The following UFSP2 variants were observed in gnomAD, a reference collection of about 807,000 sequenced individuals.
UFSP2 encodes the protein UFM1 specific peptidase 2.
In UFSP2, 43 loss-of-function variants were observed where a neutral mutation model predicts 60.2. That is an observed-to-expected ratio of 0.71 (90% CI 0.56 to 0.92). UFSP2 has a LOEUF of 0.92. Among genes scored for constraint, UFSP2 ranks in the 40% least tolerant of loss-of-function variants. UFSP2 has a pLI of 0.00. For synonymous variants in UFSP2, 183 were observed against 195.1 expected (o/e 0.94, Z 0.52); for missense variants, 520 against 575.0 (o/e 0.90, Z 0.98).
intron 1 of UFSP2, among the ~76,000 whole-genome samples, chr4:185,424,858 T>C (rs1358582091): frequency 1.3e-5 from 2 of 152,360 alleles, no homozygotes; most frequent in South Asian, 2.1e-4. Context: ...AGGGTTGTTA[T>C]GAAGATTCCA....
intron 10 of UFSP2, among the ~76,000 whole-genome samples, chr4:185,404,196 T>A (rs2095517137): frequency 6.6e-6 from 1 of 150,902 alleles, no homozygotes; most frequent in Non-Finnish European, 1.5e-5. Flanking sequence ...GGCCATAAAC[T>A]CCTCCCAACA....
At chr4:185,401,207 G>C (rs1415948123) in intron 11 of UFSP2, among the ~76,000 whole-genome samples, 1 of 152,174 alleles carries the variant, frequency 6.6e-6, no homozygotes, top group Non-Finnish European at 1.5e-5. Flanking sequence ...GCAGCGGTCT[G>C]ACTCCCTCCT....
rs183705589 is a variant in UFSP2 at position 185,402,154 on chromosome 4, C to T, written c.1323+1340G>A. On this transcript the variant is annotated intron_variant, in intron 11 of 11. Transcript: ENST00000264689. ...TTTTGCACTCTCCTTCTCTGTCCTA[C>T]CCTAAAGGTTTTAGCTCCCGAAAAA... 2.8e-4 allele frequency: 98 copies of T among 348,736 alleles called. No individual in the cohort carries two copies. The East Asian group carries it at 7.0e-3, about 25-fold the overall frequency. The allele number at this position is 348,736 out of a possible 1,614,324, so 21.6% of individuals were successfully genotyped here. A position where few individuals can be genotyped will look rare whatever the true frequency, so the allele number is the denominator to read the frequency against.
At chr4:185,422,370 C>T in intron 2 of UFSP2, 115 bp downstream of exon 2, 2 of 784,848 alleles carry the variant, frequency 2.5e-6, no homozygotes, top group Non-Finnish European at 4.2e-6. Context: ...TACTTACTAA[C>T]AATATAATCT....
intron 1 of UFSP2, among the ~76,000 whole-genome samples, chr4:185,424,737 A>T (rs1482901912): frequency 6.6e-6 from 1 of 152,248 alleles, no homozygotes; most frequent in Non-Finnish European, 1.5e-5. Context: ...TAAAAGTTAG[A>T]CAGGAAAGAA....
chr4:185,406,964 G>A (rs151246595), intron 9 of UFSP2, among the ~76,000 whole-genome samples: 11 of 150,068 alleles, frequency 7.3e-5, no homozygotes, highest in African/African-American at 2.7e-4. Flanking sequence ...CAATGAGGAC[G>A]ATGTTACTGT....
intron 1 of UFSP2, 80 bp downstream of exon 1, chr4:185,425,786 A>G: frequency 6.4e-7 from 1 of 1,560,152 alleles, no homozygotes. Context: ...AGCTCCTTTC[A>G]GGCGCTGTGA....
intron 2 of UFSP2, among the ~76,000 whole-genome samples, chr4:185,419,531 A>G (rs1314674440): frequency 6.6e-6 from 1 of 152,216 alleles, no homozygotes; most frequent in East Asian, 1.9e-4. Context: ...CTTACTAACT[A>G]TATGATCTCA....
chr4:185,411,254 A>T (rs2153283373), intron 7 of UFSP2, among the ~76,000 whole-genome samples: 1 of 152,144 alleles, frequency 6.6e-6, no homozygotes, highest in Non-Finnish European at 1.5e-5. Flanking sequence ...TGTTACCAAA[A>T]CTAAATTGGT....
At chr4:185,415,943 C>A in intron 4 of UFSP2, 76 bp from the exon 5 acceptor site, 1 of 1,249,252 alleles carries the variant, frequency 8.0e-7, no homozygotes, top group Non-Finnish European at 1.1e-6. Flanking sequence ...AAAGACTTTT[C>A]AAAAATGTAT....
intron 2 of UFSP2, among the ~76,000 whole-genome samples, chr4:185,420,378 A>G (rs1371999558): frequency 2.0e-5 from 3 of 152,228 alleles, no homozygotes; most frequent in Non-Finnish European, 2.9e-5. Context: ...AAACAATATA[A>G]GAAGATATAG....
At chr4:185,402,868 G>A (rs558623074) in intron 11 of UFSP2, among the ~76,000 whole-genome samples, 34 of 152,288 alleles carry the variant, frequency 2.2e-4, no homozygotes, top group Non-Finnish European at 2.8e-4. Flanking sequence ...ATTTGGCAGC[G>A]AATATAAATG....
In UFSP2 at chr4:185,415,611, G is replaced by A. The variant is rs867240250; in HGVS notation, c.491+99C>T. On this transcript the variant is annotated intron_variant, in intron 5 of 11. Transcript: ENST00000264689. Reference sequence around the variant, plus strand: ...GGCTCTTAGGTTAATAATAAACAAGGAGAAAATCACACCTTAGGTATACCT... The same window carrying A: ...GGCTCTTAGGTTAATAATAAACAAGAAGAAAATCACACCTTAGGTATACCT... The A allele has an allele frequency of 9.0e-6, 10 of 1,112,112 alleles. No homozygotes were observed. The Middle Eastern group carries it at 6.2e-4, about 69-fold the overall frequency. 68.9% of individuals were successfully genotyped at this position (1,112,112 alleles called of 1,614,324 possible). A position where few individuals can be genotyped will look rare whatever the true frequency, so the allele number is the denominator to read the frequency against.
chr4:185,415,454 A>C, intron 5 of UFSP2, 107 bp from the exon 6 acceptor site: 8 of 1,003,838 alleles, frequency 8.0e-6, no homozygotes, highest in Non-Finnish European at 1.1e-5. Context: ...TGATTGGACC[A>C]GGTTTGCTAA....
At chr4:185,404,437 A>G (rs1351008073) in intron 10 of UFSP2, among the ~76,000 whole-genome samples, 1 of 151,392 alleles carries the variant, frequency 6.6e-6, no homozygotes, top group Non-Finnish European at 1.5e-5. Context: ...CTGAGACTAC[A>G]GGCGCACACC....
Position 185,399,905 on chromosome 4 carries a change from T to A in UFSP2, c.*487A>T. The A allele has an allele frequency of 6.5e-7, 1 of 1,539,990 alleles. No homozygotes were observed. The highest frequency in any genetic ancestry group is 2.1e-5 in the Admixed American group (1 of 47,678). Reference sequence around the variant, plus strand: ...TTCATTCTCATTAACATTTTAGTACTGGTTATACTTACCAGAGTCTAGAGA... The same window carrying A: ...TTCATTCTCATTAACATTTTAGTACAGGTTATACTTACCAGAGTCTAGAGA... On this transcript the variant is annotated 3_prime_UTR_variant, in exon 12 of 12. Transcript: ENST00000264689.
rs2095511593 is a variant in UFSP2 at position 185,400,168 on chromosome 4, A to G, written c.*224T>C. The G allele has an allele frequency of 1.3e-6, 1 of 749,846 alleles. No individual in the cohort carries two copies. The highest frequency in any genetic ancestry group is 2.2e-6 in the Non-Finnish European group (1 of 464,376). 46.4% of individuals were successfully genotyped at this position (749,846 alleles called of 1,614,324 possible). On this transcript the variant is annotated 3_prime_UTR_variant, in exon 12 of 12. Transcript: ENST00000264689. Reference sequence around the variant, plus strand: ...CAAGTGAAGATCCATTTAAGAACACATGTATTTACATGCCTATAATATGCT... The same window carrying G: ...CAAGTGAAGATCCATTTAAGAACACGTGTATTTACATGCCTATAATATGCT...
chr4:185,424,656 T>G (rs1402150517), intron 1 of UFSP2, among the ~76,000 whole-genome samples: 1 of 152,164 alleles, frequency 6.6e-6, no homozygotes, highest in East Asian at 1.9e-4. Context: ...AGAAATCAGT[T>G]AAATAAAGAA....
intron 1 of UFSP2, among the ~76,000 whole-genome samples, chr4:185,424,848 A>C (rs1451512900): frequency 6.6e-6 from 1 of 152,232 alleles, no homozygotes; most frequent in Admixed American, 6.5e-5. Flanking sequence ...ACAACTTCCC[A>C]GGGTTGTTAT....
Sources: allele counts gnomAD v4.1 joint callset (sites outside exome capture counted in the v4.1 genomes callset), GRCh38; gene constraint gnomAD v4.1.1; transcripts MANE v1.5; gene names NCBI Gene and HGNC (gene_info 2026-07-23, HGNC 2026-07-21).